Variants in LYZL4 observed in about 807,000 individuals in gnomAD.
LYZL4 encodes lysozyme-like protein 4.
In LYZL4, 13 loss-of-function variants were observed where a neutral mutation model predicts 17.6. The observed-to-expected ratio is 0.74, with a 90% CI of 0.48 to 1.18. LYZL4 has a LOEUF of 1.18. Ranked by LOEUF, LYZL4 falls within the 50% of genes most tolerant of loss-of-function variation. The pLI, the probability that LYZL4 is intolerant of heterozygous loss-of-function variation, is 0.00. For synonymous variants in LYZL4, 64 were observed against 67.7 expected (o/e 0.95, Z 0.27); for missense variants, 174 against 188.2 (o/e 0.92, Z 0.44).
At chr3:42,403,029 C>A (rs1199570259) in intron 4 of LYZL4, among the ~76,000 whole-genome samples, 1 of 152,168 alleles carries the variant, frequency 6.6e-6, no homozygotes, top group Non-Finnish European at 1.5e-5. Context: ...AAGCAAATAT[C>A]TGGCTAAAGA....
At chr3:42,406,437 C>G (rs1334990456) in intron 3 of LYZL4, among the ~76,000 whole-genome samples, 4 of 124,554 alleles carry the variant, frequency 3.2e-5, no homozygotes, top group Non-Finnish European at 4.8e-5. Context: ...CTGGGCGACT[C>G]AGTGAGACTC....
the LYZL4 span, among the ~76,000 whole-genome samples, chr3:42,368,993 T>G: frequency 2.6e-5 from 4 of 152,252 alleles, no homozygotes; most frequent in African/African-American, 9.6e-5. Context: ...TATTTCTTAT[T>G]GATTTGCAAG....
At chr3:42,393,703 A>G (rs1473115534), downstream of LYZL4, among the ~76,000 whole-genome samples, 5 of 152,222 alleles carry the variant, frequency 3.3e-5, no homozygotes, top group Non-Finnish European at 7.3e-5. Context: ...TTGAAAACAC[A>G]GATTCCCTGG....
At chr3:42,375,905 C>A in the LYZL4 span, among the ~76,000 whole-genome samples, 2 of 152,282 alleles carry the variant, frequency 1.3e-5, no homozygotes, top group African/African-American at 2.4e-5. Flanking sequence ...TATACTAGTA[C>A]TTTCCTTACA....
chr3:42,370,194 C>T, the LYZL4 span, among the ~76,000 whole-genome samples: 2 of 152,170 alleles, frequency 1.3e-5, no homozygotes, highest in African/African-American at 4.8e-5. Flanking sequence ...TGCTGGACTT[C>T]AGTATACTGC....
At chr3:42,390,266 C>T in the LYZL4 span, among the ~76,000 whole-genome samples, 1 of 152,232 alleles carries the variant, frequency 6.6e-6, no homozygotes, top group Non-Finnish European at 1.5e-5. Flanking sequence ...AAGATGCCCA[C>T]AGCAGGCAAG....
the LYZL4 span, among the ~76,000 whole-genome samples, chr3:42,372,327 A>C: frequency 6.6e-6 from 1 of 152,152 alleles, no homozygotes. Context: ...TGCCTCAAAG[A>C]GTTGATGTGA....
the LYZL4 span, among the ~76,000 whole-genome samples, chr3:42,372,883 G>A: frequency 6.6e-6 from 1 of 152,116 alleles, no homozygotes; most frequent in South Asian, 2.1e-4. Context: ...AGAAACCAGG[G>A]CTGTCATACT....
At chr3:42,365,984 T>G in the LYZL4 span, among the ~76,000 whole-genome samples, 4 of 152,236 alleles carry the variant, frequency 2.6e-5, no homozygotes, top group East Asian at 7.7e-4. Context: ...TCATATCAAC[T>G]GGGAAGATTT....
At chr3:42,406,453 C>CAAAAAAAA (rs565639489) in intron 3 of LYZL4, among the ~76,000 whole-genome samples, 55 of 84,094 alleles carry the variant, frequency 6.5e-4, no homozygotes, top group African/African-American at 1.9e-3. Context: ...GACTCCGTCT[C>CAAAAAAAA]AAAAAAAAAA....
the LYZL4 span, among the ~76,000 whole-genome samples, chr3:42,361,914 C>T: frequency 6.6e-6 from 1 of 152,142 alleles, no homozygotes; most frequent in Non-Finnish European, 1.5e-5. Context: ...TACTGACACA[C>T]CATTATCACC....
rs904096407 is a variant in LYZL4 at position 42,407,341 on chromosome 3, G to T, written c.-90C>A. On this transcript the variant is annotated splice_region_variant and 5_prime_UTR_variant, in exon 2 of 5. Coordinates refer to ENST00000287748, the MANE Select transcript of LYZL4 (RefSeq NM_144634.4). ...ACTGGTTCTCTGAAGGGAAAGAAGG[G>T]CACTGTGGGGGTGGGGGTGGAGCAC... The T allele has an allele frequency of 2.9e-5, 45 of 1,570,846 alleles. No homozygotes were observed. The African/African-American group carries it at 5.4e-4, about 19-fold the overall frequency.
the LYZL4 span, among the ~76,000 whole-genome samples, chr3:42,364,341 CTTTTTTTTT>C: frequency 4.2e-5 from 5 of 119,892 alleles, no homozygotes; most frequent in Admixed American, 3.8e-4. Flanking sequence ...TTTTTCTTTT[CTTTTTTTTT>C]TTTTTTTTTC....
intron 3 of LYZL4, among the ~76,000 whole-genome samples, chr3:42,406,499 G>A (rs1698755936): frequency 6.7e-6 from 1 of 150,174 alleles, no homozygotes; most frequent in African/African-American, 2.5e-5. Flanking sequence ...GAAAAAGGGA[G>A]AGGTGGCCGA....
downstream of LYZL4, among the ~76,000 whole-genome samples, chr3:42,393,709 C>T (rs1423644517): frequency 1.3e-5 from 2 of 152,206 alleles, no homozygotes; most frequent in Non-Finnish European, 2.9e-5. Context: ...ACACAGATTC[C>T]CTGGACCACA....
intron 4 of LYZL4, among the ~76,000 whole-genome samples, chr3:42,398,706 C>G (rs1171829951): frequency 6.6e-6 from 1 of 151,938 alleles, no homozygotes; most frequent in Non-Finnish European, 1.5e-5. Flanking sequence ...ACTTATTTAA[C>G]AAAAATTTAA....
chr3:42,392,917 T>A (rs1385194355), downstream of LYZL4, among the ~76,000 whole-genome samples: 2 of 152,028 alleles, frequency 1.3e-5, no homozygotes, highest in Non-Finnish European at 2.9e-5. Context: ...GAGGACAAGA[T>A]CTTTCCAGGT....
At chr3:42,392,026 C>T in the LYZL4 span, among the ~76,000 whole-genome samples, 2 of 152,122 alleles carry the variant, frequency 1.3e-5, no homozygotes, top group African/African-American at 4.8e-5. Context: ...CACCACCACA[C>T]CCAACTAACT....
the LYZL4 span, among the ~76,000 whole-genome samples, chr3:42,366,491 G>A: frequency 6.6e-6 from 1 of 152,184 alleles, no homozygotes; most frequent in African/African-American, 2.4e-5. Flanking sequence ...ATTTGCTCAA[G>A]CTGTTCCCAC....
Sources: gnomAD v4.1 joint callset for allele counts (sites outside exome capture counted in the v4.1 genomes callset) on GRCh38, gnomAD v4.1.1 for gene constraint, MANE v1.5 for transcripts, NCBI Gene and HGNC (gene_info 2026-07-23, HGNC 2026-07-21) for gene names.